The following SHISA9 variants were observed in gnomAD, a reference collection of about 807,000 sequenced individuals.
The protein encoded by SHISA9 is shisa family member 9.
Under a neutral mutation model 38.0 loss-of-function variants are expected in SHISA9, and 13 were observed. The observed-to-expected ratio is 0.34, with a 90% confidence interval of 0.22 to 0.54. The LOEUF is 0.54. Among genes scored for constraint, SHISA9 ranks in the 20% least tolerant of loss-of-function variants. The pLI is 0.91. For synonymous variants in SHISA9, 275 were observed against 242.0 expected, an observed-to-expected ratio of 1.14 and a Z score of -1.27; for missense variants, 538 against 575.8, an observed-to-expected ratio of 0.93 and a Z score of 0.67.
At chr16:13,373,467 G>A in the SHISA9 span, among the ~76,000 whole-genome samples, 10 of 152,304 alleles carry the variant, frequency 6.6e-5, no homozygotes, top group African/African-American at 2.4e-4. Flanking sequence ...TCATCCGTAA[G>A]ATGGGAGTGA....
chr16:13,144,207 C>T (rs796242390), intron 2 of SHISA9, among the ~76,000 whole-genome samples: 42 of 149,230 alleles, frequency 2.8e-4, no homozygotes, highest in African/African-American at 1.0e-3. Flanking sequence ...GGCTGGAGTG[C>T]AGTGGTGAGA....
chr16:13,314,379 A>G, the SHISA9 span, among the ~76,000 whole-genome samples: 1 of 151,722 alleles, frequency 6.6e-6, no homozygotes, highest in Admixed American at 6.6e-5. Context: ...ATGCCCAGCT[A>G]ATTTATTATT....
the SHISA9 span, among the ~76,000 whole-genome samples, chr16:13,245,421 A>AT: frequency 6.6e-6 from 1 of 152,104 alleles, no homozygotes. Flanking sequence ...TCATGCTTCT[A>AT]TTTTTTTAAA....
chr16:13,478,629 T>A, the SHISA9 span, among the ~76,000 whole-genome samples: 1 of 152,340 alleles, frequency 6.6e-6, no homozygotes, highest in East Asian at 1.9e-4. Flanking sequence ...TTATTTATGA[T>A]TTAGTTAGTA....
At chr16:13,075,434 G>T (rs2073569494) in intron 2 of SHISA9, among the ~76,000 whole-genome samples, 1 of 152,114 alleles carries the variant, frequency 6.6e-6, no homozygotes, top group African/African-American at 2.4e-5. Flanking sequence ...TGAACCCGTG[G>T]GAGGGTCTTT....
At chr16:13,127,107 G>T (rs571793331) in intron 2 of SHISA9, among the ~76,000 whole-genome samples, 6 of 145,582 alleles carry the variant, frequency 4.1e-5, no homozygotes, top group African/African-American at 1.5e-4. Flanking sequence ...AAGAGAGAGA[G>T]ACTGAGGGAA....
the SHISA9 span, among the ~76,000 whole-genome samples, chr16:13,554,730 G>T: frequency 6.6e-6 from 1 of 152,128 alleles, no homozygotes; most frequent in Non-Finnish European, 1.5e-5. Context: ...CACCTCAGGT[G>T]ATCCACCTGC....
the SHISA9 span, among the ~76,000 whole-genome samples, chr16:13,273,923 T>C: frequency 1.3e-5 from 2 of 152,164 alleles, no homozygotes; most frequent in Non-Finnish European, 2.9e-5. Context: ...CCCAGGGCCA[T>C]CAGAGAGTTG....
At chr16:13,094,245 G>A (rs1187301769) in intron 2 of SHISA9, among the ~76,000 whole-genome samples, 2 of 152,018 alleles carry the variant, frequency 1.3e-5, no homozygotes, top group Non-Finnish European at 2.9e-5. Flanking sequence ...TCCCCACCTC[G>A]AAACTGCATA....
the SHISA9 span, among the ~76,000 whole-genome samples, chr16:13,427,309 C>T: frequency 3.9e-5 from 6 of 152,256 alleles, no homozygotes; most frequent in South Asian, 4.1e-4. Context: ...GAAGCTAAGG[C>T]GCTTATCCAA....
intron 2 of SHISA9, among the ~76,000 whole-genome samples, chr16:13,180,711 A>G (rs1472752756): frequency 1.3e-5 from 2 of 152,124 alleles, no homozygotes; most frequent in Admixed American, 1.3e-4. Flanking sequence ...ATAAATAAAT[A>G]AACAAACTGA....
At chr16:13,517,197 C>G in the SHISA9 span, among the ~76,000 whole-genome samples, 1 of 152,168 alleles carries the variant, frequency 6.6e-6, no homozygotes, top group African/African-American at 2.4e-5. Flanking sequence ...GATGCATCTA[C>G]AAGCCCAGGG....
the SHISA9 span, among the ~76,000 whole-genome samples, chr16:13,302,434 G>C: frequency 4.6e-5 from 7 of 152,268 alleles, no homozygotes; most frequent in South Asian, 1.5e-3. Context: ...TGATGCCCCA[G>C]GAGGAATAAA....
chr16:13,264,292 A>G, the SHISA9 span, among the ~76,000 whole-genome samples: 2 of 150,356 alleles, frequency 1.3e-5, no homozygotes, highest in Non-Finnish European at 2.9e-5. Context: ...TTTGTGCCTC[A>G]GCCTCCCAAA....
the SHISA9 span, chr16:13,246,538 A>G: frequency 6.6e-6 from 1 of 152,228 alleles, no homozygotes; most frequent in East Asian, 1.9e-4. Flanking sequence ...TAATAGCAAC[A>G]ACTTCTTTGA....
At chr16:13,004,951 A>AAAAAG (rs1431304806) in intron 2 of SHISA9, among the ~76,000 whole-genome samples, 48 of 82,170 alleles carry the variant, frequency 5.8e-4, no homozygotes, top group Middle Eastern at 5.7e-3. Context: ...AAGAAAAAAA[A>AAAAAG]AAAAAAAGAA....
intron 2 of SHISA9, among the ~76,000 whole-genome samples, chr16:13,074,256 C>T (rs974534501): frequency 1.3e-5 from 2 of 152,106 alleles, no homozygotes; most frequent in Non-Finnish European, 2.9e-5. Context: ...GGGCATGAGC[C>T]ACCATGCCTG....
intron 2 of SHISA9, among the ~76,000 whole-genome samples, chr16:13,123,496 G>C (rs577242908): frequency 9.8e-4 from 149 of 152,328 alleles, no homozygotes; most frequent in Non-Finnish European, 1.8e-3. Context: ...TACTCATGAA[G>C]AAGAGAAGTG....
chr16:13,252,494 C>A, the SHISA9 span, among the ~76,000 whole-genome samples: 565 of 152,252 alleles, frequency 3.7e-3, 3 homozygotes, highest in Non-Finnish European at 5.9e-3. Flanking sequence ...GGGTGAGAAA[C>A]CCCCAGGACC....
Sources: gnomAD v4.1 joint callset for allele counts (sites outside exome capture counted in the v4.1 genomes callset) on GRCh38, gnomAD v4.1.1 for gene constraint, MANE v1.5 for transcripts, NCBI Gene and HGNC (gene_info 2026-07-23, HGNC 2026-07-21) for gene names.